The following REXO1 variants were observed in gnomAD, a reference collection of about 807,000 sequenced individuals.
REXO1 encodes RNA exonuclease 1 homolog, also known as REX1, RNA exonuclease 1 homolog.
REXO1 carries 42 observed loss-of-function variants against 102.6 expected under a neutral mutation model. The ratio of observed to expected loss-of-function variants is 0.41; its 90% CI spans 0.32 to 0.53. REXO1 has a LOEUF of 0.53. Ranked by LOEUF, REXO1 falls within the 20% of genes least tolerant of loss-of-function variation. The pLI is 0.27. For synonymous variants in REXO1, 908 were observed against 779.1 expected (o/e 1.17, Z -2.76); for missense variants, 1,819 against 1,732.5 (o/e 1.05, Z -0.89).
At position 1,821,656 on chromosome 19, in the gene REXO1, C is replaced by T; in HGVS notation, c.2257G>A (p.Ala753Thr). The change falls in exon 5 of 16, where the codon GCG (alanine) becomes ACG (threonine). Residue 753 changes from alanine to threonine, a missense_variant. Coordinates refer to ENST00000170168, the MANE Select transcript of REXO1 (RefSeq NM_020695.4). ...TTGGAGGACTGGCTGCCGCTGGCCG[C>T]AAGGGTCCTCTTGGCACCTGTGGGG... ...AAPTGAKRTL[A>T]ASGSQSSNGP... The T allele has an allele frequency of 6.2e-7, 1 of 1,613,004 alleles. No individual in the cohort carries two copies. Among genetic ancestry groups the T allele is most frequent in the Non-Finnish European group, 8.5e-7 (1 of 1,179,744 alleles).
chr19:1,816,232 CTGGA>C lies in REXO1; in HGVS notation c.3566_3569del (p.Ile1189ArgfsTer20). 6.3e-7 allele frequency: 1 copy of C among 1,585,192 alleles called. No homozygotes were observed. The highest frequency in any genetic ancestry group is 8.6e-7 in the Non-Finnish European group (1 of 1,165,666). On this transcript the variant is annotated frameshift_variant, in exon 15 of 16. Transcript: ENST00000170168. LOFTEE classifies it high-confidence loss of function. ...GCAGGCACCGGCACTCACCATTGTC[CTGGA>C]TGATCTGTCTGAGGTAGTCGGCCAT...
intron 4 of REXO1, chr19:1,821,938 C>T (rs1248165217): frequency 1.8e-6 from 1 of 561,278 alleles, no homozygotes; most frequent in African/African-American, 2.0e-5. Flanking sequence ...TGGTCCAGGC[C>T]TCTGCCACGT....
chr19:1,846,361 G>A (rs866711253), intron 1 of REXO1, among the ~76,000 whole-genome samples: 1 of 152,174 alleles, frequency 6.6e-6, no homozygotes, highest in Non-Finnish European at 1.5e-5. Context: ...TCTGCGGGGG[G>A]AGGCAGTCTT....
At position 1,821,540 on chromosome 19, in the gene REXO1, G is replaced by A. The variant is rs192529831; in HGVS notation, c.2373C>T (p.Ile791=). The change falls in exon 5 of 16, where the codon ATC becomes ATT. Residue 791 remains isoleucine, a synonymous_variant. Coordinates refer to ENST00000170168, the MANE Select transcript of REXO1 (RefSeq NM_020695.4). Reference sequence around the variant, plus strand: ...CTACCTGTAAGGATGGACTGTGGGCGATTCGCTTAGGGATGATGGTGGTGG... The same window carrying A: ...CTACCTGTAAGGATGGACTGTGGGCAATTCGCTTAGGGATGATGGTGGTGG... ...KTTTTIIPKR[I]AHSPSLQSLK... is the part of the protein sequence containing the mutation. The A allele has an allele frequency of 3.7e-5, 59 of 1,613,840 alleles. No homozygotes were observed. Among genetic ancestry groups the A allele is most frequent in the Non-Finnish European group, 4.4e-5 (52 of 1,179,844 alleles).
chr19:1,847,762 G>A (rs1035208320), intron 1 of REXO1, among the ~76,000 whole-genome samples: 2 of 152,242 alleles, frequency 1.3e-5, no homozygotes, highest in South Asian at 2.1e-4. Context: ...CGCTGCCAGA[G>A]GCGCGGCCGG....
chr19:1,836,428 G>A lies in REXO1; in HGVS notation c.158-7797C>T, dbSNP rs548438957. Among the ~76,000 whole-genome samples the A allele has an allele frequency of 9.9e-5, 15 of 152,204 alleles. 1 individual carries two copies. In the South Asian group the frequency reaches 2.1e-3, roughly 21 times the overall value. ...AGCCCCAGGCCCCTCCCACCCAGAC[G>A]GGGAGACTCAGTGGCTCTAAAGAAC... On this transcript the variant is annotated intron_variant, in intron 1 of 15. Coordinates refer to ENST00000170168, the MANE Select transcript of REXO1 (RefSeq NM_020695.4).
In REXO1 at chr19:1,819,158, G is replaced by A. The variant is rs1041293374; in HGVS notation, c.2651-27C>T. The A allele has an allele frequency of 3.3e-6, 5 of 1,527,080 alleles. No individual in the cohort carries two copies. In the African/African-American group the frequency reaches 4.1e-5, roughly 13 times the overall value. 94.6% of individuals were successfully genotyped at this position (1,527,080 alleles called of 1,614,324 possible). A position where few individuals can be genotyped will look rare whatever the true frequency, so the allele number is the denominator to read the frequency against. ...TGGAAGGAAGGGAGGGAGGGGAGGA[G>A]GGTGTGAAGTAGCTGGCTCAGACCC... On this transcript the variant is annotated intron_variant, in intron 7 of 15. Transcript: ENST00000170168.
chr19:1,825,757 T>A, intron 3 of REXO1, 82 bp downstream of exon 3: 1 of 965,720 alleles, frequency 1.0e-6, no homozygotes, highest in Non-Finnish European at 1.6e-6. Flanking sequence ...ATTACAGGCG[T>A]GAGCCACCAA....
At chr19:1,820,146 C>G in intron 6 of REXO1, 89 bp from the exon 7 acceptor site, 2 of 1,563,994 alleles carry the variant, frequency 1.3e-6, no homozygotes, top group Middle Eastern at 1.7e-4. Flanking sequence ...CGGGGACTTG[C>G]ATCTCTCCCA....
chr19:1,826,814 G>A lies in REXO1; in HGVS notation c.1911+64C>T. 3 of 1,532,822 alleles carry A rather than the reference G, an allele frequency of 2.0e-6. No homozygotes were observed. The highest frequency in any genetic ancestry group is 2.2e-5 in the Admixed American group (1 of 45,542). The allele number at this position is 1,532,822 out of a possible 1,614,324, so 95.0% of individuals were successfully genotyped here. A position where few individuals can be genotyped will look rare whatever the true frequency, so the allele number is the denominator to read the frequency against. ...AACTGGAAACCACTCCAGATAGAAG[G>A]TCTCTCACCAGGCCCTCGGCTCTGC... On this transcript the variant is annotated intron_variant, in intron 2 of 15. Transcript: ENST00000170168. This position sits in a 1 kb window ranked among gnomAD's most constrained non-coding sequence, Gnocchi z 4.3.
rs1204847315 is a variant in REXO1, at chr19:1,827,577, T to A, written c.1212A>T (p.Arg404=). 6.3e-7 allele frequency: 1 copy of A among 1,594,044 alleles called. No homozygotes were observed. The part of the protein sequence containing the change: ...QGKDKTKDKG[R]GRPVEKPRAD... ...CACGGGGCTTCTCCACAGGCCGCCC[T>A]CGGCCCTTGTCCTTGGTCTTGTCCT... The change falls in exon 2 of 16, where the codon CGA becomes CGT. Residue 404 remains arginine, a synonymous_variant. Transcript: ENST00000170168.
chr19:1,831,568 T>A (rs993307660), intron 1 of REXO1, among the ~76,000 whole-genome samples: 1 of 151,664 alleles, frequency 6.6e-6, no homozygotes, highest in Non-Finnish European at 1.5e-5. Flanking sequence ...TTCGGCCGGT[T>A]GTGGTGGCTC....
chr19:1,818,794 C>G lies in REXO1; in HGVS notation c.2814G>C (p.Gln938His). 6.2e-7 allele frequency: 1 copy of G among 1,609,784 alleles called. No homozygotes were observed. The highest frequency in any genetic ancestry group is 8.5e-7 in the Non-Finnish European group (1 of 1,179,868). The change falls in exon 9 of 16, where the codon CAG (glutamine) becomes CAC (histidine). Residue 938 changes from glutamine to histidine, a missense_variant. Physicochemically the swap from Gln to His is conservative, Grantham distance 24. Coordinates refer to ENST00000170168, the MANE Select transcript of REXO1 (RefSeq NM_020695.4). ...GGAAGGGGTAGCCGTTCTCCTTGAG[C>G]TGGTCCTGGGTGAGCAGGTACTCCC... ...RLREYLLTQD[Q>H]LKENGYPFPH...
chr19:1,827,385 C>G lies in REXO1; in HGVS notation c.1404G>C (p.Ala468=), dbSNP rs774263465. 6.5e-7 allele frequency: 1 copy of G among 1,535,788 alleles called. No individual in the cohort carries two copies. The highest frequency in any genetic ancestry group is 2.1e-5 in the Admixed American group (1 of 48,168). Residue 468 remains alanine (A), a synonymous_variant, in exon 2 of 16, where the codon GCG becomes GCC. Coordinates refer to ENST00000170168, the MANE Select transcript of REXO1 (RefSeq NM_020695.4). The part of the protein sequence containing the change: ...PSPTSGDSRP[A]AGRGPPRPLQ... ...GGGGGCGGGGTGGGCCTCTGCCGGC[C>G]GCCGGTCGGGAGTCCCCGCTTGTGG...
rs1025728644 is a variant in REXO1 at position 1,845,865 on chromosome 19, T to C, written c.157+2337A>G. Among the ~76,000 whole-genome samples the C allele has an allele frequency of 6.6e-5, 10 of 152,190 alleles. 1 individual carries two copies. Among genetic ancestry groups the C allele is most frequent in the Middle Eastern group, 3.4e-3 (1 of 294 alleles). ...AACCCTGCCTGCCTTGGTGCCCTCA[T>C]CAGATGCCCTCTCCTTCTCCCAGAG... On this transcript the variant is annotated intron_variant, in intron 1 of 15. Coordinates refer to ENST00000170168, the MANE Select transcript of REXO1 (RefSeq NM_020695.4).
In REXO1 at chr19:1,828,456, C is replaced by A. The variant is rs758193827; in HGVS notation, c.333G>T (p.Glu111Asp). Residue 111 changes from glutamate (E) to aspartate (D), a missense_variant, in exon 2 of 16, where the codon GAG (glutamate) becomes GAT (aspartate). Physicochemically the swap from Glu to Asp is conservative, Grantham distance 45. Transcript: ENST00000170168. ...EVELEQRRYRELLETTREHRS... is the reference protein window; with the variant it reads ...EVELEQRRYRDLLETTREHRS... Reference sequence around the variant, plus strand: ...GGTGCTCACGGGTCGTCTCCAGCAGCTCCCGGTAGCGCCGCTGCTCCAGCT... The same window carrying A: ...GGTGCTCACGGGTCGTCTCCAGCAGATCCCGGTAGCGCCGCTGCTCCAGCT... The A allele has an allele frequency of 6.2e-7, 1 of 1,607,770 alleles. No individual in the cohort carries two copies. Among genetic ancestry groups the A allele is most frequent in the Non-Finnish European group, 8.5e-7 (1 of 1,179,604 alleles).
chr19:1,835,215 G>A (rs550923425), intron 1 of REXO1, among the ~76,000 whole-genome samples: 1 of 152,266 alleles, frequency 6.6e-6, no homozygotes, highest in East Asian at 1.9e-4. Flanking sequence ...ATGCTGCTAG[G>A]TGCCCTGGGA....
intron 11 of REXO1, 36 bp downstream of exon 11, chr19:1,817,671 A>C: frequency 6.3e-7 from 1 of 1,594,106 alleles, no homozygotes. Context: ...AAGTCTGTTG[A>C]GAACAGGCAG....
chr19:1,831,174 C>T (rs759796796), intron 1 of REXO1, among the ~76,000 whole-genome samples: 11 of 152,208 alleles, frequency 7.2e-5, no homozygotes, highest in Non-Finnish European at 1.5e-4. Flanking sequence ...GACGTGAATG[C>T]TGACACACAT....
Sources: allele counts gnomAD v4.1 joint callset (sites outside exome capture counted in the v4.1 genomes callset), GRCh38; gene constraint gnomAD v4.1.1; non-coding constraint Gnocchi (gnomAD v3.1); transcripts MANE v1.5; gene names NCBI Gene and HGNC (gene_info 2026-07-23, HGNC 2026-07-21).